The following COL27A1 variants were observed in gnomAD, a reference collection of about 807,000 sequenced individuals.
COL27A1 encodes the protein collagen type XXVII alpha 1 chain.
A neutral mutation model predicts 251.3 loss-of-function variants in COL27A1; 106 were observed. That is an observed-to-expected ratio of 0.42 (90% confidence interval 0.36 to 0.50). The LOEUF is 0.50. COL27A1 is among the 20% of genes least tolerant of loss of function. The probability of loss-of-function intolerance (pLI) is 0.00; values close to 1 mark genes in which losing one functional copy is unlikely to be tolerated. For missense variants in COL27A1, 2,325 were observed against 2,522.8 expected, an observed-to-expected ratio of 0.92 and a Z score of 1.68; for synonymous variants, 1,000 against 986.3, an observed-to-expected ratio of 1.01 and a Z score of -0.26.
At chr9:114,182,655 G>A (rs2135173470) in intron 4 of COL27A1, among the ~76,000 whole-genome samples, 1 of 152,318 alleles carries the variant, frequency 6.6e-6, no homozygotes, top group South Asian at 2.1e-4. Flanking sequence ...GTAAAATTTA[G>A]GGGTGAAGGA....
intron 7 of COL27A1, among the ~76,000 whole-genome samples, chr9:114,203,912 G>A (rs1345584175): frequency 6.6e-6 from 1 of 152,126 alleles, no homozygotes; most frequent in Non-Finnish European, 1.5e-5. Context: ...AGTTCTATGA[G>A]ACTCAGTGTT....
At chr9:114,308,253 G>A (rs988266144) in intron 59 of COL27A1, among the ~76,000 whole-genome samples, 1 of 152,218 alleles carries the variant, frequency 6.6e-6, no homozygotes, top group Admixed American at 6.5e-5. Flanking sequence ...ACCAAGGCAG[G>A]TGGCAGCATG....
intron 24 of COL27A1, among the ~76,000 whole-genome samples, chr9:114,250,244 C>T (rs1208582125): frequency 6.6e-6 from 1 of 152,224 alleles, no homozygotes; most frequent in Admixed American, 6.5e-5. Context: ...TTGAAACAGC[C>T]CCAGAGCCCC....
chr9:114,294,564 T>C (rs1274455076), intron 49 of COL27A1, among the ~76,000 whole-genome samples: 2 of 152,220 alleles, frequency 1.3e-5, no homozygotes, highest in African/African-American at 4.8e-5. Flanking sequence ...TATAATTCAC[T>C]ATATTAACAG....
intron 2 of COL27A1, among the ~76,000 whole-genome samples, chr9:114,166,484 T>TCCATCC (rs1848903080): frequency 1.5e-5 from 1 of 68,292 alleles, no homozygotes; most frequent in Non-Finnish European, 3.2e-5. Flanking sequence ...TCCATCCATC[T>TCCATCC]CCCAGTTGTC....
At position 114,267,488 on chromosome 9, in the gene COL27A1, T is replaced by C. The variant is rs961365412; in HGVS notation, c.3448-16T>C. The C allele has an allele frequency of 2.5e-6, 4 of 1,599,318 alleles. No individual in the cohort carries two copies. Among genetic ancestry groups the C allele is most frequent in the African/African-American group, 2.7e-5 (2 of 73,446 alleles). On this transcript the variant is annotated splice_polypyrimidine_tract_variant and intron_variant, in intron 33 of 60. Coordinates refer to ENST00000356083, the MANE Select transcript of COL27A1 (RefSeq NM_032888.4). ...CAGCTCTTGCTCTAGGAGGGACCAA[T>C]GGCGTTTTCTTTCAGGGGCCGCCTG...
intron 24 of COL27A1, among the ~76,000 whole-genome samples, chr9:114,249,997 C>A (rs1833413737): frequency 6.6e-6 from 1 of 152,186 alleles, no homozygotes; most frequent in Non-Finnish European, 1.5e-5. Flanking sequence ...AGGGAGACGG[C>A]AAGGACTGGG....
chr9:114,301,230 G>A, intron 52 of COL27A1, 54 bp from the exon 53 acceptor site: 2 of 1,610,452 alleles, frequency 1.2e-6, no homozygotes, highest in Non-Finnish European at 1.7e-6. Flanking sequence ...TTCCTCATCT[G>A]GAAATGGGGC....
rs551849308 is a variant in COL27A1, at chr9:114,260,526, A to C, written c.3195+1932A>C. Among the ~76,000 whole-genome samples, 4 of 152,314 alleles carry C rather than the reference A, an allele frequency of 2.6e-5. No individual in the cohort carries two copies. In the East Asian group the frequency reaches 7.7e-4, roughly 29 times the overall value. On this transcript the variant is annotated intron_variant, in intron 28 of 60. Coordinates refer to ENST00000356083, the MANE Select transcript of COL27A1 (RefSeq NM_032888.4). ...AAGGCCTTGTGGCGCTCTGTGCCTC[A>C]GTTTCCCCATATGTGCCACGGGGAA...
intron 5 of COL27A1, among the ~76,000 whole-genome samples, chr9:114,187,806 A>G (rs1042079557): frequency 6.6e-6 from 1 of 151,902 alleles, no homozygotes; most frequent in Non-Finnish European, 1.5e-5. Flanking sequence ...CTCCATTAGT[A>G]AAAAAAAATC....
intron 49 of COL27A1, among the ~76,000 whole-genome samples, chr9:114,297,915 C>T (rs1828365593): frequency 6.6e-6 from 1 of 152,072 alleles, no homozygotes; most frequent in African/African-American, 2.4e-5. Context: ...TATGTCTATA[C>T]ACTAGCAATG....
intron 5 of COL27A1, among the ~76,000 whole-genome samples, chr9:114,189,799 G>A (rs1374355094): frequency 6.6e-6 from 1 of 152,114 alleles, no homozygotes; most frequent in African/African-American, 2.4e-5. Context: ...CTCTCATCTA[G>A]TGAAAATAAC....
chr9:114,250,570 C>T (rs1588768080), intron 24 of COL27A1, 45 bp from the exon 25 acceptor site: 3 of 1,587,726 alleles, frequency 1.9e-6, no homozygotes, highest in East Asian at 2.2e-5. Flanking sequence ...GGCTGGGTCC[C>T]CGGATTCACG....
chr9:114,287,084 G>A (rs1227843746), intron 41 of COL27A1, among the ~76,000 whole-genome samples: 3 of 152,144 alleles, frequency 2.0e-5, no homozygotes, highest in African/African-American at 7.2e-5. Flanking sequence ...GGTCAAGAAG[G>A]AATCCCCGCT....
intron 12 of COL27A1, among the ~76,000 whole-genome samples, chr9:114,211,984 A>G (rs1448901664): frequency 1.3e-5 from 2 of 152,196 alleles, no homozygotes; most frequent in Non-Finnish European, 2.9e-5. Context: ...GGAGGCCTGG[A>G]GCATTCGAGA....
At chr9:114,156,720 G>C (rs1006933479) in intron 1 of COL27A1, among the ~76,000 whole-genome samples, 1 of 152,194 alleles carries the variant, frequency 6.6e-6, no homozygotes, top group Admixed American at 6.5e-5. Flanking sequence ...GGGCCGGAGA[G>C]GGGCAGGGAC....
At chr9:114,222,363 G>A in intron 14 of COL27A1, 96 bp downstream of exon 14, 1 of 1,131,062 alleles carries the variant, frequency 8.8e-7, no homozygotes, top group South Asian at 1.4e-5. Context: ...TGCAGGGGAG[G>A]TTGAAAAGAC....
At chr9:114,214,487 C>A (rs74972544) in intron 12 of COL27A1, among the ~76,000 whole-genome samples, 2 of 152,144 alleles carry the variant, frequency 1.3e-5, no homozygotes, top group Admixed American at 1.3e-4. Flanking sequence ...CTTTTACTAA[C>A]GGGAGCTGAG....
At chr9:114,240,348 G>A in intron 20 of COL27A1, 75 bp downstream of exon 20, 1 of 1,586,554 alleles carries the variant, frequency 6.3e-7, no homozygotes, top group Non-Finnish European at 8.6e-7. Context: ...TGGCTGCCTG[G>A]CTTGGAAGCA....
Sources: allele counts gnomAD v4.1 joint callset (sites outside exome capture counted in the v4.1 genomes callset), GRCh38; gene constraint gnomAD v4.1.1; transcripts MANE v1.5; gene names NCBI Gene and HGNC (gene_info 2026-07-23, HGNC 2026-07-21).